The following SLC9D1 variants were observed in gnomAD, a reference collection of about 807,000 sequenced individuals.
SLC9D1 encodes the protein solute carrier family 9 member D1.
the SLC9D1 span, among the ~76,000 whole-genome samples, chr13:113,524,588 G>A: frequency 6.6e-6 from 1 of 152,062 alleles, no homozygotes; most frequent in Non-Finnish European, 1.5e-5. Flanking sequence ...TTCCAGCCTC[G>A]GCCTCCCAAA....
At chr13:113,499,690 T>C in the SLC9D1 span, among the ~76,000 whole-genome samples, 1 of 152,214 alleles carries the variant, frequency 6.6e-6, no homozygotes, top group African/African-American at 2.4e-5. Context: ...CAAGTTGTTT[T>C]AAAATCTACT....
At chr13:113,505,015 G>A in the SLC9D1 span, 2 of 152,096 alleles carry the variant, frequency 1.3e-5, no homozygotes, top group Non-Finnish European at 2.9e-5. Context: ...GAGGAGTAAG[G>A]TATTGCATTG....
the SLC9D1 span, among the ~76,000 whole-genome samples, chr13:113,515,741 A>C: frequency 6.6e-6 from 1 of 151,568 alleles, no homozygotes; most frequent in East Asian, 1.9e-4. Context: ...AATACAAAAA[A>C]TTAGCCGGGC....
chr13:113,492,079 A>G, the SLC9D1 span, among the ~76,000 whole-genome samples: 4 of 152,104 alleles, frequency 2.6e-5, no homozygotes, highest in African/African-American at 4.8e-5. Context: ...GTCAAGGCTC[A>G]AGCGATTCTC....
chr13:113,496,559 A>G, the SLC9D1 span, among the ~76,000 whole-genome samples: 1 of 152,254 alleles, frequency 6.6e-6, no homozygotes, highest in Non-Finnish European at 1.5e-5. Flanking sequence ...TTACTGTATC[A>G]GATGTTGTAT....
chr13:113,519,467 G>A, the SLC9D1 span, among the ~76,000 whole-genome samples: 1 of 151,828 alleles, frequency 6.6e-6, no homozygotes, highest in Non-Finnish European at 1.5e-5. Context: ...TGAAAATTGA[G>A]ACCTTTGGAG....
the SLC9D1 span, chr13:113,505,279 C>A: frequency 1.3e-5 from 2 of 152,164 alleles, no homozygotes; most frequent in Non-Finnish European, 2.9e-5. Flanking sequence ...GGAGAGCTGT[C>A]TAGCAATTTG....
chr13:113,518,866 G>A, the SLC9D1 span, among the ~76,000 whole-genome samples: 37 of 152,276 alleles, frequency 2.4e-4, no homozygotes, highest in Non-Finnish European at 5.0e-4. Flanking sequence ...AAGATATTTT[G>A]TTCACCAAAA....
At chr13:113,511,698 G>C in the SLC9D1 span, 3 of 152,506 alleles carry the variant, frequency 2.0e-5, no homozygotes, top group East Asian at 5.8e-4. Context: ...GTCGGGGGCT[G>C]AGTGAAATGA....
At chr13:113,547,046 G>A in the SLC9D1 span, 3 of 496,592 alleles carry the variant, frequency 6.0e-6, no homozygotes, top group East Asian at 1.1e-4. Flanking sequence ...GTCCTCTGCA[G>A]TTGAGGCCTG....
At chr13:113,535,611 C>T in the SLC9D1 span, among the ~76,000 whole-genome samples, 1 of 152,166 alleles carries the variant, frequency 6.6e-6, no homozygotes, top group East Asian at 1.9e-4. The surrounding 1 kb of genome is among the most constrained non-coding windows in gnomAD (Gnocchi z 4.1). Flanking sequence ...CACGGAACGC[C>T]ACCCAGCAGT....
the SLC9D1 span, among the ~76,000 whole-genome samples, chr13:113,535,909 G>A: frequency 6.6e-6 from 1 of 152,074 alleles, no homozygotes; most frequent in South Asian, 2.1e-4. This position sits in a 1 kb window ranked among gnomAD's most constrained non-coding sequence, Gnocchi z 4.1. Context: ...CTGAGTCGGG[G>A]TCTGGGGAGG....
At chr13:113,526,556 CAA>C in the SLC9D1 span, among the ~76,000 whole-genome samples, 1 of 143,790 alleles carries the variant, frequency 7.0e-6, no homozygotes. Flanking sequence ...TCATCTCTAC[CAA>C]AAAAAAAAAA....
At chr13:113,498,303 C>T in the SLC9D1 span, 2 of 1,418,124 alleles carry the variant, frequency 1.4e-6, no homozygotes, top group Non-Finnish European at 1.9e-6. Flanking sequence ...TAGCTTATTT[C>T]TTAATATATC....
chr13:113,503,645 G>T, the SLC9D1 span: 1 of 1,136,106 alleles, frequency 8.8e-7, no homozygotes, highest in Non-Finnish European at 1.3e-6. Flanking sequence ...ATGTGGTTTT[G>T]GTTCATACAC....
At chr13:113,495,407 A>C in the SLC9D1 span, 5 of 515,142 alleles carry the variant, frequency 9.7e-6, no homozygotes, top group African/African-American at 7.5e-5. Flanking sequence ...GAATTTCTTC[A>C]GAAAGGTGTC....
At chr13:113,542,354 G>A in the SLC9D1 span, among the ~76,000 whole-genome samples, 3 of 142,776 alleles carry the variant, frequency 2.1e-5, no homozygotes, top group Non-Finnish European at 4.6e-5. Flanking sequence ...GCCGAGATGT[G>A]TGGATGATAC....
At chr13:113,510,116 C>T in the SLC9D1 span, 114,566 of 853,132 alleles carry the variant, frequency 0.13, 9,747 homozygotes, top group African/African-American at 0.35. Context: ...GTGACCCCAG[C>T]GTTGCTTCAC....
At chr13:113,502,534 C>T in the SLC9D1 span, among the ~76,000 whole-genome samples, 1 of 152,182 alleles carries the variant, frequency 6.6e-6, no homozygotes, top group South Asian at 2.1e-4. Flanking sequence ...TTTAAGCATC[C>T]CATTCACAAC....
Sources: gnomAD v4.1 joint callset for allele counts (sites outside exome capture counted in the v4.1 genomes callset) on GRCh38, gnomAD v4.1.1 for gene constraint, Gnocchi (gnomAD v3.1) non-coding constraint, MANE v1.5 for transcripts, NCBI Gene and HGNC (gene_info 2026-07-23, HGNC 2026-07-21) for gene names.